The following IDE variants were observed in gnomAD, a reference collection of about 807,000 sequenced individuals.
The protein encoded by IDE is insulin degrading enzyme.
Under a neutral mutation model 133.2 loss-of-function variants are expected in IDE, and 58 were observed. The observed-to-expected ratio is 0.44, with a 90% CI of 0.35 to 0.54. The LOEUF is 0.54. Ranked by LOEUF, IDE falls within the 20% of genes least tolerant of loss-of-function variation. The pLI, the probability that IDE is intolerant of heterozygous loss-of-function variation, is 0.00. For missense variants in IDE, 981 were observed against 1,234.0 expected (o/e 0.79, Z 3.07); for synonymous variants, 396 against 421.3 (o/e 0.94, Z 0.73).
intron 11 of IDE, among the ~76,000 whole-genome samples, chr10:92,502,033 C>T (rs1199898630): frequency 6.6e-6 from 1 of 152,032 alleles, no homozygotes; most frequent in Non-Finnish European, 1.5e-5. Flanking sequence ...ATCCCAGCTA[C>T]TCAGGAAGCT....
chr10:92,573,967 C>A lies in IDE; in HGVS notation c.53G>T (p.Arg18Leu), dbSNP rs774625174. ...CGGCAGGCGGGCGCCGAGGACTGAGCGGAAGGTGCTGGGCAGTGCGGGGTG... is the reference window on the plus strand; with the variant it reads ...CGGCAGGCGGGCGCCGAGGACTGAGAGGAAGGTGCTGGGCAGTGCGGGGTG... Reference protein sequence around the residue: ...LLHPALPSTFRSVLGARLPPP... With the variant: ...LLHPALPSTFLSVLGARLPPP... The change falls in exon 1 of 25, where the codon CGC becomes CTC. Residue 18 changes from arginine (R) to leucine (L), a missense_variant. Coordinates refer to ENST00000265986, the MANE Select transcript of IDE (RefSeq NM_004969.4). The A allele has an allele frequency of 7.4e-6, 11 of 1,488,382 alleles. No homozygotes were observed. The allele number at this position is 1,488,382 out of a possible 1,614,324, so 92.2% of individuals were successfully genotyped here.
intron 1 of IDE, among the ~76,000 whole-genome samples, chr10:92,551,911 A>G (rs1310189060): frequency 6.6e-6 from 1 of 152,168 alleles, no homozygotes; most frequent in African/African-American, 2.4e-5. Flanking sequence ...CAAGGTAGGA[A>G]GATCACTTGA....
intron 4 of IDE, 111 bp from the exon 5 acceptor site, chr10:92,515,153 TACAC>T (rs897093143): frequency 3.0e-5 from 24 of 806,018 alleles, no homozygotes; most frequent in Non-Finnish European, 4.6e-5. Flanking sequence ...AAAGTTCTAA[TACAC>T]AGAATAACTC....
chr10:92,534,899 G>T, intron 2 of IDE, 114 bp from the exon 3 acceptor site: 2 of 715,674 alleles, frequency 2.8e-6, no homozygotes, highest in Non-Finnish European at 4.6e-6. Context: ...ATCAGAGAAA[G>T]TTAAGCACAA....
At chr10:92,497,646 G>A (rs746677826) in intron 11 of IDE, 25 of 716,264 alleles carry the variant, frequency 3.5e-5, no homozygotes, top group Non-Finnish European at 4.3e-5. Context: ...ACTTGTCTCA[G>A]CGGGTATTAA....
chr10:92,511,209 C>A (rs948470056), intron 5 of IDE, among the ~76,000 whole-genome samples: 2 of 149,018 alleles, frequency 1.3e-5, no homozygotes, highest in Non-Finnish European at 3.0e-5. Flanking sequence ...TCAAGTGATT[C>A]TCATGTCTCA....
intron 1 of IDE, among the ~76,000 whole-genome samples, chr10:92,539,187 A>T (rs561103943): frequency 6.6e-6 from 1 of 151,690 alleles, no homozygotes; most frequent in Non-Finnish European, 1.5e-5. Flanking sequence ...GATCCCCTAG[A>T]TCTTTTTTTT....
chr10:92,572,856 C>T (rs902056757), intron 1 of IDE: 1 of 981,368 alleles, frequency 1.0e-6, no homozygotes, highest in Non-Finnish European at 1.2e-6. Flanking sequence ...CCTACCCCCC[C>T]ATCTCTGGCC....
intron 7 of IDE, 88 bp from the exon 8 acceptor site, chr10:92,508,293 T>A: frequency 1.0e-6 from 1 of 957,308 alleles, no homozygotes; most frequent in Non-Finnish European, 1.6e-6. Context: ...ATACTGTATG[T>A]TCCTAAGATA....
chr10:92,496,112 T>C (rs1417411231), intron 11 of IDE, among the ~76,000 whole-genome samples: 1 of 152,036 alleles, frequency 6.6e-6, no homozygotes, highest in Non-Finnish European at 1.5e-5. Context: ...CAACCTCAGG[T>C]GATCCACCTG....
intron 19 of IDE, 35 bp downstream of exon 19, chr10:92,468,841 AAAT>A (rs1564598247): frequency 9.1e-7 from 1 of 1,103,106 alleles, no homozygotes; most frequent in South Asian, 1.3e-5. Flanking sequence ...TGTTATGTCA[AAAT>A]AGTCCATTCC....
intron 14 of IDE, 143 bp from the exon 15 acceptor site, chr10:92,479,564 AG>A (rs1846481482): frequency 1.6e-6 from 1 of 639,464 alleles, no homozygotes; most frequent in South Asian, 2.1e-5. Context: ...ATTTCTTATG[AG>A]GAAAAAAAAG....
chr10:92,480,209 C>T (rs903671956), intron 14 of IDE, among the ~76,000 whole-genome samples: 2 of 152,184 alleles, frequency 1.3e-5, no homozygotes, highest in Non-Finnish European at 2.9e-5. Context: ...AGTTAAATGA[C>T]CTGCTCCTTT....
intron 13 of IDE, among the ~76,000 whole-genome samples, chr10:92,484,240 G>A (rs779450297): frequency 6.6e-6 from 1 of 151,932 alleles, no homozygotes; most frequent in Non-Finnish European, 1.5e-5. Context: ...GTGAAACCCC[G>A]TCTCTACTAA....
At chr10:92,554,934 G>A (rs1842940989) in intron 1 of IDE, 1 of 151,928 alleles carries the variant, frequency 6.6e-6, no homozygotes, top group Non-Finnish European at 1.5e-5. Context: ...AAAAAGGGGG[G>A]AAAAATAGAG....
chr10:92,566,413 T>TCA lies in IDE; in HGVS notation c.98+7507_98+7508dup, dbSNP rs3051566. Among the ~76,000 whole-genome samples the TCA allele has an allele frequency of 6.1e-3, 843 of 137,614 alleles. 7 individuals are homozygous for TCA. The highest frequency in any genetic ancestry group is 0.018 in the East Asian group (84 of 4,636). 90.3% of individuals were successfully genotyped at this position (137,614 alleles called of 152,430 possible). A position where few individuals can be genotyped will look rare whatever the true frequency, so the allele number is the denominator to read the frequency against. ...ATCTCTCTCTCTCTCTCTCTCTCTC[T>TCA]CACACACACACACACACACACACAC... is the stretch of plus-strand genomic sequence containing the variant. On this transcript the variant is annotated intron_variant, in intron 1 of 24. Coordinates refer to ENST00000265986, the MANE Select transcript of IDE (RefSeq NM_004969.4).
At chr10:92,470,183 T>C (rs1845890399) in intron 18 of IDE, 71 bp downstream of exon 18, 2 of 1,027,802 alleles carry the variant, frequency 1.9e-6, no homozygotes, top group Non-Finnish European at 2.9e-6. Context: ...GTTAACAATC[T>C]TGAGAAAGAC....
intron 1 of IDE, among the ~76,000 whole-genome samples, chr10:92,551,252 A>T (rs1842762560): frequency 6.6e-6 from 1 of 152,210 alleles, no homozygotes; most frequent in Non-Finnish European, 1.5e-5. Flanking sequence ...ACATGCTACC[A>T]TATGAACCTA....
rs759544275 is a variant in IDE, at chr10:92,504,876, G to A, written c.1348C>T (p.Leu450Phe). 2 of 1,551,602 alleles carry A rather than the reference G, an allele frequency of 1.3e-6. No individual in the cohort carries two copies. The highest frequency in any genetic ancestry group is 8.8e-7 in the Non-Finnish European group (1 of 1,137,846). The change falls in exon 11 of 25, where the codon CTC becomes TTC. Residue 450 changes from leucine to phenylalanine, a missense_variant. By Grantham distance (22) the Leu-to-Phe change is conservative. Transcript: ENST00000265986. ...ILHYYPLEEV[L>F]TAEYLLEEFR... ...TCTTCCAGTAAATATTCCGCTGTGA[G>A]CACCTCTTCTAGGGGATAATACTTT... is the stretch of plus-strand genomic sequence containing the variant.
Sources: allele counts gnomAD v4.1 joint callset (sites outside exome capture counted in the v4.1 genomes callset), GRCh38; gene constraint gnomAD v4.1.1; transcripts MANE v1.5; gene names NCBI Gene and HGNC (gene_info 2026-07-23, HGNC 2026-07-21).